The following STAMBPL1 variants were observed in gnomAD, a reference collection of about 807,000 sequenced individuals.
STAMBPL1 encodes STAM binding protein like 1.
STAMBPL1 carries 44 observed loss-of-function variants against 52.9 expected under a neutral mutation model. That is an observed-to-expected ratio of 0.83 (90% CI 0.65 to 1.07). The LOEUF is 1.07. Ranked by LOEUF, STAMBPL1 falls within the 50% of genes least tolerant of loss-of-function variation. The pLI is 0.00. For missense variants in STAMBPL1, 511 were observed against 520.8 expected (o/e 0.98, Z 0.18); for synonymous variants, 164 against 177.3 (o/e 0.92, Z 0.60).
intron 1 of STAMBPL1, chr10:88,893,932 T>C (rs1375548554): frequency 6.6e-6 from 1 of 152,158 alleles, no homozygotes; most frequent in African/African-American, 2.4e-5. Context: ...GTCGTTAGTG[T>C]TGCAGTGTGA....
chr10:88,914,787 C>T (rs909036533), intron 7 of STAMBPL1, 129 bp downstream of exon 7: 29 of 325,438 alleles, frequency 8.9e-5, no homozygotes, highest in African/African-American at 2.2e-4. Flanking sequence ...ATGAAATTAA[C>T]GTTACACAGA....
At chr10:88,922,237 C>A (rs1232023639) in intron 9 of STAMBPL1, 100 bp from the exon 10 acceptor site, 4 of 1,092,732 alleles carry the variant, frequency 3.7e-6, no homozygotes, top group Non-Finnish European at 4.0e-6. Context: ...ATTTCTCAAT[C>A]CCATCTGAGG....
rs141366139 is a variant in STAMBPL1 at position 88,908,967 on chromosome 10, C to T, written c.324+190C>T. Among the ~76,000 whole-genome samples, 121 of 152,202 alleles carry T rather than the reference C, an allele frequency of 7.9e-4. 1 individual carries two copies. The highest frequency in any genetic ancestry group is 1.6e-3 in the Non-Finnish European group (106 of 68,012). On this transcript the variant is annotated intron_variant, in intron 4 of 10. Transcript: ENST00000371926. ...TCATCACTGAGCCAGTGTGGTTTGT[C>T]TAATTGATGCTGGGGGAAAAGAAAG...
chr10:88,887,767 C>G (rs1291124667), intron 1 of STAMBPL1, among the ~76,000 whole-genome samples: 1 of 152,110 alleles, frequency 6.6e-6, no homozygotes, highest in Non-Finnish European at 1.5e-5. Flanking sequence ...AGTGATCTTT[C>G]CACCTCAGCC....
chr10:88,903,249 T>A (rs1387632186), intron 2 of STAMBPL1, among the ~76,000 whole-genome samples: 1 of 152,234 alleles, frequency 6.6e-6, no homozygotes, highest in Non-Finnish European at 1.5e-5. Flanking sequence ...AGTTTTAAAT[T>A]TGGGAAGGTC....
intron 1 of STAMBPL1, among the ~76,000 whole-genome samples, chr10:88,884,493 A>G (rs540931791): frequency 1.3e-5 from 2 of 152,322 alleles, no homozygotes; most frequent in South Asian, 4.1e-4. Flanking sequence ...AGTGAAGGCA[A>G]TAATCCAGTG....
chr10:88,910,788 G>A (rs1274071165), intron 4 of STAMBPL1, 128 bp from the exon 5 acceptor site: 5 of 564,302 alleles, frequency 8.9e-6, no homozygotes, highest in Non-Finnish European at 1.2e-5. Context: ...TTATTTTTCT[G>A]CCATCATCTT....
chr10:88,889,155 T>C (rs747573776), intron 1 of STAMBPL1, among the ~76,000 whole-genome samples: 12 of 152,226 alleles, frequency 7.9e-5, no homozygotes, highest in Non-Finnish European at 1.8e-4. Context: ...ATAGAGATTC[T>C]TTATTTTAAG....
At chr10:88,888,364 GAC>G (rs1844591572) in intron 1 of STAMBPL1, among the ~76,000 whole-genome samples, 1 of 152,160 alleles carries the variant, frequency 6.6e-6, no homozygotes, top group Admixed American at 6.5e-5. Context: ...CTGAGCTAGA[GAC>G]ACACAGTACC....
chr10:88,913,069 T>C, intron 5 of STAMBPL1, 32 bp from the exon 6 acceptor site: 8 of 1,525,748 alleles, frequency 5.2e-6, no homozygotes, highest in Non-Finnish European at 7.0e-6. Context: ...CCTTGGAAAC[T>C]AACCTTCTCT....
intron 1 of STAMBPL1, among the ~76,000 whole-genome samples, chr10:88,899,715 G>A (rs1844897545): frequency 1.3e-5 from 2 of 152,060 alleles, no homozygotes; most frequent in South Asian, 4.1e-4. Context: ...TCACCACGTT[G>A]CCCAGACTGG....
At chr10:88,888,484 G>A (rs992311984) in intron 1 of STAMBPL1, among the ~76,000 whole-genome samples, 2 of 152,186 alleles carry the variant, frequency 1.3e-5, no homozygotes, top group Non-Finnish European at 2.9e-5. Context: ...AATTTGGCTG[G>A]ACTGACTTTC....
At chr10:88,910,614 G>A (rs536107211) in intron 4 of STAMBPL1, among the ~76,000 whole-genome samples, 149 of 152,134 alleles carry the variant, frequency 9.8e-4, no homozygotes, top group African/African-American at 3.3e-3. Context: ...CTAAAAATGG[G>A]GTACCACAAA....
chr10:88,896,155 A>G (rs1038186673), intron 1 of STAMBPL1, among the ~76,000 whole-genome samples: 1 of 152,238 alleles, frequency 6.6e-6, no homozygotes, highest in Admixed American at 6.5e-5. Context: ...TTTTTATCTT[A>G]TCAATATTTT....
intron 6 of STAMBPL1, among the ~76,000 whole-genome samples, chr10:88,914,002 A>C (rs1037337007): frequency 6.6e-6 from 1 of 152,226 alleles, no homozygotes; most frequent in African/African-American, 2.4e-5. Flanking sequence ...TCCAAAACAC[A>C]GAATTCTTCT....
At chr10:88,912,848 G>T in intron 5 of STAMBPL1, 1 of 427,050 alleles carries the variant, frequency 2.3e-6, no homozygotes, top group African/African-American at 2.0e-5. Context: ...AAAGCATTAG[G>T]GAATGAAGGG....
chr10:88,886,571 A>G (rs1243742160), intron 1 of STAMBPL1, among the ~76,000 whole-genome samples: 1 of 152,262 alleles, frequency 6.6e-6, no homozygotes, highest in South Asian at 2.1e-4. Context: ...GCATCACAGT[A>G]ACTAAACCAG....
intron 1 of STAMBPL1, among the ~76,000 whole-genome samples, chr10:88,881,294 A>C (rs976811164): frequency 2.6e-5 from 4 of 152,170 alleles, no homozygotes; most frequent in Admixed American, 6.5e-5. Context: ...TGATACCCCC[A>C]GAGCCTAAGG....
intron 2 of STAMBPL1, 146 bp from the exon 3 acceptor site, chr10:88,905,297 A>G (rs117030431): frequency 1.5e-6 from 1 of 662,046 alleles, no homozygotes; most frequent in Non-Finnish European, 2.5e-6. Context: ...AAAATGCTTT[A>G]CTTTGATTAT....
Sources: allele counts gnomAD v4.1 joint callset (sites outside exome capture counted in the v4.1 genomes callset), GRCh38; gene constraint gnomAD v4.1.1; transcripts MANE v1.5; gene names NCBI Gene and HGNC (gene_info 2026-07-23, HGNC 2026-07-21).